The following MAPK8IP3 variants were observed in gnomAD, a reference collection of about 807,000 sequenced individuals.
The protein encoded by MAPK8IP3 is mitogen-activated protein kinase 8 interacting protein 3.
A neutral mutation model predicts 157.8 loss-of-function variants in MAPK8IP3; 49 were observed. The ratio of observed to expected loss-of-function variants is 0.31; its 90% CI spans 0.25 to 0.39. MAPK8IP3 has a LOEUF of 0.39. MAPK8IP3 is among the 10% of genes least tolerant of loss of function. The pLI is 1.00. For synonymous variants in MAPK8IP3, 897 were observed against 777.7 expected (o/e 1.15, Z -2.55); for missense variants, 1,478 against 1,889.4 (o/e 0.78, Z 4.04).
intron 4 of MAPK8IP3, among the ~76,000 whole-genome samples, chr16:1,737,920 G>C (rs1164747749): frequency 1.4e-5 from 1 of 73,300 alleles, no homozygotes; most frequent in Non-Finnish European, 2.6e-5. Flanking sequence ...CCGTGTGTGT[G>C]ACCATCCATG....
At chr16:1,720,882 G>T (rs560456362) in intron 1 of MAPK8IP3, among the ~76,000 whole-genome samples, 6 of 151,934 alleles carry the variant, frequency 3.9e-5, no homozygotes, top group Non-Finnish European at 8.8e-5. Flanking sequence ...AAAATACAAA[G>T]AATTAGCTGG....
rs372037148 is a variant in MAPK8IP3, at chr16:1,767,856, C to T, written c.3461C>T (p.Ala1154Val). 1 of 1,611,350 alleles carries T rather than the reference C, an allele frequency of 6.2e-7. No homozygotes were observed. Among genetic ancestry groups the T allele is most frequent in the Non-Finnish European group, 8.5e-7 (1 of 1,179,926 alleles). ...GTACGCATCACGGCCCTGCTTGTCG[C>T]GGGCAGCCGGCTCTGGGTGGGCACC... is the stretch of plus-strand genomic sequence containing the variant. ...SFVRITALLVAGSRLWVGTGN... is the reference protein window; with the variant it reads ...SFVRITALLVVGSRLWVGTGN... The change falls in exon 28 of 32, where the codon GCG (alanine) becomes GTG (valine). Residue 1154 changes from alanine to valine, a missense_variant. By Grantham distance (64) the Ala-to-Val change is moderately conservative (BLOSUM62 0). Transcript: ENST00000610761.
chr16:1,734,091 G>T (rs2039495767), intron 4 of MAPK8IP3, among the ~76,000 whole-genome samples: 1 of 152,232 alleles, frequency 6.6e-6, no homozygotes, highest in Non-Finnish European at 1.5e-5. Flanking sequence ...TGGTTGCCAT[G>T]ACTGGATCCA....
rs146105817 is a variant in MAPK8IP3, at chr16:1,754,628, C to T, written c.1217-3520C>T. On this transcript the variant is annotated intron_variant, in intron 8 of 31. Coordinates refer to ENST00000610761, the MANE Select transcript of MAPK8IP3 (RefSeq NM_001318852.2). Reference sequence around the variant, plus strand: ...CTCTACTAAAAATACAAAAATTACCCGGGTGTGGTGGCGGGCCCTGTAGTC... The same window carrying T: ...CTCTACTAAAAATACAAAAATTACCTGGGTGTGGTGGCGGGCCCTGTAGTC... 1.3e-3 allele frequency among the ~76,000 whole-genome samples: 202 copies of T among 152,000 alleles called. 1 individual carries two copies. The highest frequency in any genetic ancestry group is 4.4e-3 in the African/African-American group (181 of 41,432).
In MAPK8IP3 at chr16:1,706,783, C is replaced by CCGCGGCA. The variant is rs2037417209; in HGVS notation, c.318+127_318+128insGCGGCAC. On this transcript the variant is annotated intron_variant, in intron 1 of 31. Transcript: ENST00000610761. The surrounding 1 kb of genome is among the most constrained non-coding windows in gnomAD (Gnocchi z 5.1). ...CACCCCGGACCGCGGGACCCCTGGACCCCCAGACCCCGCCCCGAGACCCGC... is the reference window on the plus strand; with the variant it reads ...CACCCCGGACCGCGGGACCCCTGGACCGCGGCACCCCAGACCCCGCCCCGAGACCCGC... 4.8e-6 allele frequency: 5 copies of CCGCGGCA among 1,048,640 alleles called. No individual in the cohort carries two copies. The African/African-American group carries it at 6.9e-5, about 15-fold the overall frequency. 65.0% of individuals were successfully genotyped at this position (1,048,640 alleles called of 1,614,324 possible).
chr16:1,743,805 C>G lies in MAPK8IP3; in HGVS notation c.747+329C>G. 8.2e-7 allele frequency: 1 copy of G among 1,219,896 alleles called. No individual in the cohort carries two copies. Among genetic ancestry groups the G allele is most frequent in the Non-Finnish European group, 1.0e-6 (1 of 976,232 alleles). 75.6% of individuals were successfully genotyped at this position (1,219,896 alleles called of 1,614,324 possible). ...TGAGCTTAGTGATCCTCTCTCAAAC[C>G]ACACCCCCACATAAAGCCTCATGCT... On this transcript the variant is annotated intron_variant, in intron 5 of 31. Transcript: ENST00000610761. This position sits in a 1 kb window ranked among gnomAD's most constrained non-coding sequence, Gnocchi z 5.6.
chr16:1,738,863 G>A (rs1371337772), intron 4 of MAPK8IP3, among the ~76,000 whole-genome samples: 20 of 137,874 alleles, frequency 1.5e-4, no homozygotes, highest in African/African-American at 5.3e-4. Context: ...GTGAGCGTCC[G>A]TGTGAGTGTG....
chr16:1,726,164 G>A lies in MAPK8IP3; in HGVS notation c.439+1487G>A, dbSNP rs181022887. ...GCTGTGCTGACAATGACCTGCTGAC[G>A]AGTCTGGGGGCCAGAGGGTGACCAC... On this transcript the variant is annotated intron_variant, in intron 2 of 31. Transcript: ENST00000610761. 3.7e-3 allele frequency among the ~76,000 whole-genome samples: 567 copies of A among 152,338 alleles called. 2 individuals carry two copies. The highest frequency in any genetic ancestry group is 0.012 in the African/African-American group (498 of 41,584).
At chr16:1,749,825 G>C (rs2041189016) in intron 8 of MAPK8IP3, among the ~76,000 whole-genome samples, 1 of 152,236 alleles carries the variant, frequency 6.6e-6, no homozygotes, top group Non-Finnish European at 1.5e-5. Context: ...AGGGAGCAGA[G>C]TAATGTGGGG....
chr16:1,744,704 G>T (rs1472067563), intron 5 of MAPK8IP3: 23 of 985,372 alleles, frequency 2.3e-5, no homozygotes, highest in Non-Finnish European at 2.7e-5. Flanking sequence ...CTGGCCTCCG[G>T]GCTGCCTCTC....
chr16:1,736,880 G>GAC (rs2039943688), intron 4 of MAPK8IP3, among the ~76,000 whole-genome samples: 1 of 55,156 alleles, frequency 1.8e-5, no homozygotes, highest in African/African-American at 8.1e-5. Context: ...GCATCCGTGA[G>GAC]CGTGTGACCG....
Position 1,760,535 on chromosome 16 carries a change from G to T in MAPK8IP3, c.1457+3G>T. 1.2e-6 allele frequency: 2 copies of T among 1,611,220 alleles called. No individual in the cohort carries two copies. Among genetic ancestry groups the T allele is most frequent in the Non-Finnish European group, 1.7e-6 (2 of 1,178,018 alleles). On this transcript the variant is annotated splice_donor_region_variant and intron_variant, in intron 12 of 31. Coordinates refer to ENST00000610761, the MANE Select transcript of MAPK8IP3 (RefSeq NM_001318852.2). ...GAGCTGGAAGAGGAACTGAAAAGGT[G>T]AGGGCAGGGCATGGAAAGCTGGTCA... is the stretch of plus-strand genomic sequence containing the variant.
intron 1 of MAPK8IP3, among the ~76,000 whole-genome samples, chr16:1,721,676 A>G (rs769048059): frequency 5.9e-5 from 9 of 152,182 alleles, no homozygotes; most frequent in Non-Finnish European, 8.8e-5. Context: ...CCTGGAGTCA[A>G]TCAATCCACT....
chr16:1,744,062 A>C, intron 5 of MAPK8IP3: 2 of 988,244 alleles, frequency 2.0e-6, no homozygotes, highest in Non-Finnish European at 2.4e-6. Flanking sequence ...CGGGGGCCCC[A>C]GCAGGTTCTC....
intron 12 of MAPK8IP3, 50 bp from the exon 13 acceptor site, chr16:1,761,174 G>A (rs376668301): frequency 3.0e-5 from 44 of 1,472,716 alleles, no homozygotes; most frequent in Admixed American, 2.8e-4. Flanking sequence ...ATGTGTTCCC[G>A]AGGCCCCTGG....
Position 1,747,118 on chromosome 16 carries a change from C to A in MAPK8IP3, c.837C>A (p.Ser279=). The A allele has an allele frequency of 6.2e-7, 1 of 1,613,984 alleles. No individual in the cohort carries two copies. ...TTGTKSNTPT[S]SVPSAAVTPL... is the part of the protein sequence containing the mutation. ...GCACCAAGTCCAACACGCCCACATC[C>A]TCCGTGCCCTCGGCCGCCGTCACAC... Residue 279 remains serine, a synonymous_variant, in exon 6 of 32, where the codon TCC becomes TCA. Coordinates refer to ENST00000610761, the MANE Select transcript of MAPK8IP3 (RefSeq NM_001318852.2).
chr16:1,762,514 G>A (rs764274501), intron 14 of MAPK8IP3, 33 bp downstream of exon 14: 19 of 1,610,602 alleles, frequency 1.2e-5, no homozygotes, highest in South Asian at 2.2e-5. Context: ...GAGGGGCTGC[G>A]GGATCATCCC....
At chr16:1,767,468 G>T in intron 26 of MAPK8IP3, 96 bp from the exon 27 acceptor site, 2 of 1,519,620 alleles carry the variant, frequency 1.3e-6, no homozygotes, top group Non-Finnish European at 9.0e-7. Context: ...GGAGGTCTGA[G>T]GGGACTGCAG....
intron 4 of MAPK8IP3, among the ~76,000 whole-genome samples, chr16:1,731,256 G>A (rs1333262572): frequency 1.3e-5 from 2 of 151,420 alleles, no homozygotes; most frequent in African/African-American, 4.8e-5. Flanking sequence ...CTGAACCCCA[G>A]GGGCGGAGGT....
Sources: allele counts gnomAD v4.1 joint callset (sites outside exome capture counted in the v4.1 genomes callset), GRCh38; gene constraint gnomAD v4.1.1; non-coding constraint Gnocchi (gnomAD v3.1); transcripts MANE v1.5; gene names NCBI Gene and HGNC (gene_info 2026-07-23, HGNC 2026-07-21).